Variants in GALNTL5 observed in about 807,000 individuals in gnomAD.
GALNTL5 encodes inactive polypeptide N-acetylgalactosaminyltransferase-like protein 5.
GALNTL5 carries 44 observed loss-of-function variants against 51.0 expected under a neutral mutation model. The observed-to-expected ratio is 0.86, with a 90% CI of 0.68 to 1.11. The LOEUF is 1.11. Ranked by LOEUF, GALNTL5 falls within the 50% of genes least tolerant of loss-of-function variation. GALNTL5 has a pLI of 0.00. For missense variants in GALNTL5, 528 were observed against 531.8 expected, an observed-to-expected ratio of 0.99 and a Z score of 0.07; for synonymous variants, 192 against 182.8, an observed-to-expected ratio of 1.05 and a Z score of -0.41.
chr7:152,019,323 G>A (rs2081859339), intron 8 of GALNTL5, among the ~76,000 whole-genome samples: 1 of 152,200 alleles, frequency 6.6e-6, no homozygotes, highest in Admixed American at 6.5e-5. Flanking sequence ...AACGGGGTTT[G>A]TCCTTGGGTA....
At chr7:152,012,447 TCTG>T (rs67274959) in intron 7 of GALNTL5, among the ~76,000 whole-genome samples, 150,904 of 152,274 alleles carry the variant, frequency 0.99, 74,784 homozygotes, top group East Asian at 1. Context: ...AATGCTATAC[TCTG>T]CTGCTGTGGG....
chr7:152,002,601 G>A (rs2151956815), intron 5 of GALNTL5, 113 bp from the exon 6 acceptor site: 1 of 1,122,808 alleles, frequency 8.9e-7, no homozygotes, highest in South Asian at 1.5e-5. Context: ...AGCACTGTAA[G>A]AGCCAAACAC....
intron 1 of GALNTL5, among the ~76,000 whole-genome samples, chr7:151,966,105 A>G (rs1181705017): frequency 3.3e-5 from 5 of 152,054 alleles, no homozygotes; most frequent in Admixed American, 3.3e-4. Flanking sequence ...TTTATATCAC[A>G]CCCTACTTGC....
chr7:151,981,964 G>C (rs889448243), intron 3 of GALNTL5, among the ~76,000 whole-genome samples: 7 of 151,136 alleles, frequency 4.6e-5, no homozygotes, highest in African/African-American at 1.7e-4. Flanking sequence ...CTTTTCTTTT[G>C]CTAAAGTTAG....
intron 2 of GALNTL5, among the ~76,000 whole-genome samples, chr7:151,968,373 A>T (rs1389643251): frequency 6.6e-6 from 1 of 152,194 alleles, no homozygotes; most frequent in Non-Finnish European, 1.5e-5. Flanking sequence ...AGATGAAGAA[A>T]ATAAGAGTAG....
In GALNTL5 at chr7:152,007,826, G is replaced by A. The variant is rs200189430; in HGVS notation, c.909-1G>A. On this transcript the variant is annotated splice_acceptor_variant, in intron 6 of 8. Coordinates refer to ENST00000392800, the MANE Select transcript of GALNTL5 (RefSeq NM_145292.4). LOFTEE classifies it high-confidence loss of function. ...ATTTCATATTTATGTCCCCTTTCTA[G>A]GTCACCTGCAATGTCTGGAGGAATT... The A allele has an allele frequency of 4.7e-5, 73 of 1,537,960 alleles. No individual in the cohort carries two copies. The African/African-American group carries it at 9.1e-4, about 19-fold the overall frequency.
intron 1 of GALNTL5, among the ~76,000 whole-genome samples, chr7:151,965,431 A>G (rs989665670): frequency 3.3e-5 from 5 of 152,208 alleles, no homozygotes; most frequent in South Asian, 2.1e-4. Context: ...ACCTCGCAAG[A>G]CTTTCTTCTT....
intron 6 of GALNTL5, among the ~76,000 whole-genome samples, chr7:152,007,297 T>A (rs2081657118): frequency 6.6e-6 from 1 of 152,160 alleles, no homozygotes; most frequent in Non-Finnish European, 1.5e-5. Flanking sequence ...TTAGAATATA[T>A]CGCATACACA....
chr7:151,983,590 T>C (rs999086304), intron 4 of GALNTL5, among the ~76,000 whole-genome samples: 6 of 152,124 alleles, frequency 3.9e-5, no homozygotes, highest in African/African-American at 1.4e-4. Context: ...TCTTGGTATA[T>C]GGTGGACATG....
chr7:151,967,288 G>A lies in GALNTL5; in HGVS notation c.42G>A (p.Leu14=). 1.9e-6 allele frequency: 3 copies of A among 1,613,980 alleles called. No individual in the cohort carries two copies. Among genetic ancestry groups the A allele is most frequent in the Middle Eastern group, 1.6e-4 (1 of 6,062 alleles). Residue 14 remains leucine, a synonymous_variant, in exon 2 of 9, where the codon TTG becomes TTA. Transcript: ENST00000392800. ...TTCAAGGTTTATTCTATGGGTCCTT[G>A]ACATTTGGGATCTGGACAGCTCTGT... ...AIIQGLFYGS[L]TFGIWTALLF... is the part of the protein sequence containing the mutation.
chr7:151,991,356 G>C (rs1335611640), intron 5 of GALNTL5, among the ~76,000 whole-genome samples: 1 of 152,198 alleles, frequency 6.6e-6, no homozygotes, highest in Non-Finnish European at 1.5e-5. Context: ...GCCTCATAGT[G>C]CCGGGATTAC....
intron 3 of GALNTL5, among the ~76,000 whole-genome samples, chr7:151,981,204 G>C (rs1027935097): frequency 6.6e-6 from 1 of 152,146 alleles, no homozygotes; most frequent in Non-Finnish European, 1.5e-5. Context: ...TTGCCTATAA[G>C]AAATGCTGAT....
In GALNTL5 at chr7:151,982,976, C is replaced by A. The variant is rs1236528549; in HGVS notation, c.369-10C>A. On this transcript the variant is annotated splice_polypyrimidine_tract_variant and intron_variant, in intron 3 of 8. Coordinates refer to ENST00000392800, the MANE Select transcript of GALNTL5 (RefSeq NM_145292.4). ...ATGGATGGTTTTCTTCATATTGCTT[C>A]TGCCTGCAGGTGTCTTCAAAAACAT... The A allele has an allele frequency of 6.2e-7, 1 of 1,614,098 alleles. No individual in the cohort carries two copies.
At chr7:151,993,667 C>T (rs750599468) in intron 5 of GALNTL5, among the ~76,000 whole-genome samples, 3 of 152,120 alleles carry the variant, frequency 2.0e-5, no homozygotes, top group Admixed American at 6.6e-5. Context: ...GTCACCCACG[C>T]TGGAGTGCAG....
chr7:151,966,595 A>G (rs140988251), intron 1 of GALNTL5, among the ~76,000 whole-genome samples: 2 of 152,328 alleles, frequency 1.3e-5, no homozygotes, highest in African/African-American at 4.8e-5. Flanking sequence ...TATGACAAAC[A>G]TTACTTCAAT....
chr7:151,958,516 G>A (rs2080953129), intron 1 of GALNTL5, among the ~76,000 whole-genome samples: 1 of 152,232 alleles, frequency 6.6e-6, no homozygotes, highest in Admixed American at 6.5e-5. Context: ...AGTGAAACGG[G>A]GTTGGGGAGG....
At chr7:151,979,564 A>G (rs2081253387) in intron 3 of GALNTL5, among the ~76,000 whole-genome samples, 1 of 151,482 alleles carries the variant, frequency 6.6e-6, no homozygotes, top group South Asian at 2.1e-4. Flanking sequence ...GGTTCAAGAG[A>G]TTCTCCTGCC....
At chr7:151,989,317 AT>A (rs1262898882) in intron 5 of GALNTL5, among the ~76,000 whole-genome samples, 1 of 149,940 alleles carries the variant, frequency 6.7e-6, no homozygotes, top group African/African-American at 2.5e-5. Flanking sequence ...CACCCAGCTA[AT>A]TTTTTTGTAT....
At chr7:152,009,550 C>T (rs1211236163) in intron 7 of GALNTL5, among the ~76,000 whole-genome samples, 2 of 152,222 alleles carry the variant, frequency 1.3e-5, no homozygotes, top group East Asian at 1.9e-4. Context: ...CCTTGTCAGA[C>T]TTTGCTTCTT....
Sources: gnomAD v4.1 joint callset for allele counts (sites outside exome capture counted in the v4.1 genomes callset) on GRCh38, gnomAD v4.1.1 for gene constraint, MANE v1.5 for transcripts, NCBI Gene and HGNC (gene_info 2026-07-23, HGNC 2026-07-21) for gene names.